Variants in DENND5A observed in about 807,000 individuals in gnomAD.
The protein encoded by DENND5A is DENN domain containing 5A.
DENND5A carries 64 observed loss-of-function variants against 140.3 expected under a neutral mutation model. The ratio of observed to expected loss-of-function variants is 0.46; its 90% confidence interval spans 0.37 to 0.56. The LOEUF is 0.56. Among genes scored for constraint, DENND5A ranks in the 20% least tolerant of loss-of-function variants. DENND5A has a pLI of 0.00. For synonymous variants in DENND5A, 605 were observed against 607.7 expected (o/e 1.00, Z 0.07); for missense variants, 1,292 against 1,593.8 (o/e 0.81, Z 3.22).
chr11:9,169,957 A>C lies in DENND5A; in HGVS notation c.2058-8T>G, dbSNP rs1413999988. The stretch of plus-strand genomic sequence containing the variant: ...GCATTCCTTTTCGTCCACCTAACAC[A>C]ATCAGAACCAAAGCAGGCAATTAAT... On this transcript the variant is annotated splice_polypyrimidine_tract_variant and splice_region_variant and intron_variant, in intron 9 of 22. Transcript: ENST00000328194. 1 of 1,597,806 alleles carries C rather than the reference A, an allele frequency of 6.3e-7. No homozygotes were observed. Among genetic ancestry groups the C allele is most frequent in the East Asian group, 2.2e-5 (1 of 44,778 alleles).
intron 1 of DENND5A, among the ~76,000 whole-genome samples, chr11:9,227,910 G>C (rs1337917852): frequency 4.0e-5 from 6 of 151,802 alleles, no homozygotes. Context: ...TCAGGGGTTC[G>C]AGACCAACCT....
chr11:9,145,183 C>A (rs146663582), intron 17 of DENND5A, 70 bp from the exon 18 acceptor site: 63 of 1,161,982 alleles, frequency 5.4e-5, no homozygotes, highest in Non-Finnish European at 7.3e-5. Context: ...CTCGGAGGCA[C>A]AGATCTGACT....
rs542128655 is a variant in DENND5A at position 9,139,418 on chromosome 11, C to G, written c.*253G>C. 1.5e-5 allele frequency: 7 copies of G among 463,726 alleles called. No individual in the cohort carries two copies. Among genetic ancestry groups the G allele is most frequent in the Non-Finnish European group, 2.7e-5 (7 of 256,642 alleles). The allele number at this position is 463,726 out of a possible 1,614,324, so 28.7% of individuals were successfully genotyped here. A position where few individuals can be genotyped will look rare whatever the true frequency, so the allele number is the denominator to read the frequency against. On this transcript the variant is annotated 3_prime_UTR_variant, in exon 23 of 23. Coordinates refer to ENST00000328194, the MANE Select transcript of DENND5A (RefSeq NM_015213.4). Reference sequence around the variant, plus strand: ...CATGTGGCCACGGCGAGGGAGGGCACCAGCTTCAAAATAAGCGGCACCAGC... The same window carrying G: ...CATGTGGCCACGGCGAGGGAGGGCAGCAGCTTCAAAATAAGCGGCACCAGC...
At chr11:9,234,784 T>C (rs1434482704) in intron 1 of DENND5A, among the ~76,000 whole-genome samples, 1 of 152,178 alleles carries the variant, frequency 6.6e-6, no homozygotes, top group Non-Finnish European at 1.5e-5. Context: ...TTTCGGCCCA[T>C]CCCTTTATTT....
intron 4 of DENND5A, 41 bp downstream of exon 4, chr11:9,203,619 A>T: frequency 6.4e-7 from 1 of 1,565,548 alleles, no homozygotes; most frequent in Non-Finnish European, 8.6e-7. Flanking sequence ...AAAGCAAAGA[A>T]GCCTGAGGCA....
intron 1 of DENND5A, among the ~76,000 whole-genome samples, chr11:9,229,198 T>C (rs1046226595): frequency 3.3e-5 from 5 of 152,146 alleles, no homozygotes; most frequent in African/African-American, 1.2e-4. Context: ...ACCAGAGAGT[T>C]ACAGAATTGG....
intron 1 of DENND5A, among the ~76,000 whole-genome samples, chr11:9,223,457 T>C (rs1178978551): frequency 1.3e-5 from 2 of 152,104 alleles, no homozygotes; most frequent in Non-Finnish European, 2.9e-5. Flanking sequence ...AGAGAAACAC[T>C]TGAACCTGGG....
chr11:9,224,076 C>A (rs533583471), intron 1 of DENND5A, among the ~76,000 whole-genome samples: 2 of 152,274 alleles, frequency 1.3e-5, no homozygotes, highest in South Asian at 2.1e-4. Context: ...TGCCTGTAAT[C>A]CCAACTACTA....
chr11:9,226,909 C>G (rs766355848), intron 1 of DENND5A, among the ~76,000 whole-genome samples: 1 of 152,156 alleles, frequency 6.6e-6, no homozygotes, highest in Non-Finnish European at 1.5e-5. Context: ...TGACTCACAC[C>G]TGTAATCCCA....
At chr11:9,187,536 C>G (rs1188094742) in intron 5 of DENND5A, among the ~76,000 whole-genome samples, 1 of 152,160 alleles carries the variant, frequency 6.6e-6, no homozygotes, top group Non-Finnish European at 1.5e-5. Context: ...GCCTGTTTCT[C>G]CAGTCTATCC....
intron 12 of DENND5A, among the ~76,000 whole-genome samples, chr11:9,159,541 C>T (rs1180830429): frequency 1.3e-5 from 2 of 152,178 alleles, no homozygotes; most frequent in Non-Finnish European, 2.9e-5. Context: ...TGGTCTCAAA[C>T]TCCTGACCTC....
chr11:9,178,498 ATT>A, intron 7 of DENND5A, 132 bp from the exon 8 acceptor site: 1 of 624,416 alleles, frequency 1.6e-6, no homozygotes. Flanking sequence ...AAATCTCTAC[ATT>A]AAAAAAAAAA....
At position 9,142,860 on chromosome 11, in the gene DENND5A, AG is replaced by A. The variant is rs1319269467; in HGVS notation, c.3388-16del. The A allele has an allele frequency of 1.2e-6, 2 of 1,613,522 alleles. No homozygotes were observed. The highest frequency in any genetic ancestry group is 2.7e-5 in the African/African-American group (2 of 75,052). ...AGACTGCCTCGCTACGTAAGGAAACAGGGGAGGGTGCCAGGCTTGTCTCAGC... is the reference window on the plus strand; with the variant it reads ...AGACTGCCTCGCTACGTAAGGAAACAGGGAGGGTGCCAGGCTTGTCTCAGC... On this transcript the variant is annotated splice_polypyrimidine_tract_variant and intron_variant, in intron 20 of 22. Coordinates refer to ENST00000328194, the MANE Select transcript of DENND5A (RefSeq NM_015213.4).
intron 1 of DENND5A, among the ~76,000 whole-genome samples, chr11:9,233,476 AG>A (rs1356946421): frequency 1.3e-5 from 2 of 152,058 alleles, no homozygotes; most frequent in African/African-American, 4.8e-5. Context: ...GCCCCAAAAA[AG>A]GTATGTCCAC....
intron 12 of DENND5A, among the ~76,000 whole-genome samples, chr11:9,158,162 A>G (rs1847870847): frequency 6.6e-6 from 1 of 152,242 alleles, no homozygotes; most frequent in Non-Finnish European, 1.5e-5. Context: ...AACCACAAAC[A>G]TCCAAAGAGC....
Position 9,178,215 on chromosome 11 carries a change from A to G in DENND5A, c.1823T>C (p.Val608Ala). The part of the protein sequence containing the change: ...DPVLRVFDSR[V>A]DKIRLLNVRT... ...AACATTCAACAGCCTGATCTTGTCA[A>G]CTCGGGAATCAAATACCCGGAGTAC... is the stretch of plus-strand genomic sequence containing the variant. Residue 608 changes from valine (V) to alanine (A), a missense_variant, in exon 8 of 23, where the codon GTT (valine) becomes GCT (alanine). Coordinates refer to ENST00000328194, the MANE Select transcript of DENND5A (RefSeq NM_015213.4). 6.2e-7 allele frequency: 1 copy of G among 1,614,148 alleles called. No individual in the cohort carries two copies. Among genetic ancestry groups the G allele is most frequent in the Non-Finnish European group, 8.5e-7 (1 of 1,180,000 alleles).
intron 8 of DENND5A, among the ~76,000 whole-genome samples, chr11:9,172,958 A>G (rs1264504953): frequency 6.6e-6 from 1 of 150,894 alleles, no homozygotes; most frequent in Non-Finnish European, 1.5e-5. Context: ...TTGGACTACA[A>G]GCACGTACTA....
Position 9,239,262 on chromosome 11 carries a change from G to A in DENND5A, c.109+25699C>T, listed in dbSNP as rs1270171115. Among the ~76,000 whole-genome samples the A allele has an allele frequency of 2.6e-5, 4 of 151,398 alleles. No individual in the cohort carries two copies. The East Asian group carries it at 7.7e-4, about 29-fold the overall frequency. On this transcript the variant is annotated intron_variant, in intron 1 of 22. Transcript: ENST00000328194. ...GCCCACGCTGGACTCAAATTCACGG[G>A]CTCAAGCAATCTTCCTGCCTCAGCC...
At chr11:9,205,342 T>C (rs1564914738) in intron 3 of DENND5A, among the ~76,000 whole-genome samples, 1 of 152,196 alleles carries the variant, frequency 6.6e-6, no homozygotes, top group Non-Finnish European at 1.5e-5. Flanking sequence ...AAATATGATA[T>C]CCTGGGTTAA....
Sources: allele counts gnomAD v4.1 joint callset (sites outside exome capture counted in the v4.1 genomes callset), GRCh38; gene constraint gnomAD v4.1.1; transcripts MANE v1.5; gene names NCBI Gene and HGNC (gene_info 2026-07-23, HGNC 2026-07-21).